CUL7: variants seen among roughly 807,000 people sequenced by gnomAD.
The protein encoded by CUL7 is cullin 7.
Under a neutral mutation model 177.7 loss-of-function variants are expected in CUL7, and 96 were observed. The observed-to-expected ratio is 0.54, with a 90% CI of 0.46 to 0.64. The LOEUF (loss-of-function observed/expected upper bound fraction) is 0.64, where lower values mean the gene tolerates loss of function less well. Among genes scored for constraint, CUL7 ranks in the 30% least tolerant of loss-of-function variants. CUL7 has a pLI of 0.00. For synonymous variants in CUL7, 824 were observed against 890.2 expected (o/e 0.93, Z 1.32); for missense variants, 1,893 against 2,187.9 (o/e 0.87, Z 2.69).
chr6:43,041,671 G>A (rs1175393378), intron 19 of CUL7, among the ~76,000 whole-genome samples: 1 of 150,768 alleles, frequency 6.6e-6, no homozygotes, highest in Non-Finnish European at 1.5e-5. Flanking sequence ...GGGAGGGAAG[G>A]GAAGGGAAAG....
Position 43,045,855 on chromosome 6 carries a change from G to C in CUL7, c.2766+131C>G. On this transcript the variant is annotated intron_variant, in intron 13 of 25. Transcript: ENST00000265348. This position sits in a 1 kb window ranked among gnomAD's most constrained non-coding sequence, Gnocchi z 4.8. Reference sequence around the variant, plus strand: ...CAGGGCCTGGTGGCACAAGCACAGGGATAAAGGACACTACTTTCTGTGGGG... The same window carrying C: ...CAGGGCCTGGTGGCACAAGCACAGGCATAAAGGACACTACTTTCTGTGGGG... 1 of 1,066,590 alleles carries C rather than the reference G, an allele frequency of 9.4e-7. No homozygotes were observed. 66.1% of individuals were successfully genotyped at this position (1,066,590 alleles called of 1,614,324 possible). A position where few individuals can be genotyped will look rare whatever the true frequency, so the allele number is the denominator to read the frequency against.
At chr6:43,042,003 C>CAAA (rs201127168) in intron 19 of CUL7, among the ~76,000 whole-genome samples, 3 of 53,498 alleles carry the variant, frequency 5.6e-5, no homozygotes, top group African/African-American at 1.1e-4. Context: ...GACTCCGTCT[C>CAAA]AAAAAAAAAA....
At position 43,038,687 on chromosome 6, in the gene CUL7, G is replaced by C; in HGVS notation, c.4446C>G (p.Val1482=). 1 of 1,614,092 alleles carries C rather than the reference G, an allele frequency of 6.2e-7. No homozygotes were observed. Among genetic ancestry groups the C allele is most frequent in the Non-Finnish European group, 8.5e-7 (1 of 1,179,988 alleles). ...AGAACGCCAGCAGACTCTCCACAGA[G>C]ACCGCCTTCAGAGAACAGATGGGAG... ...LLLYLNDLKA[V]SVESLLAFSG... Residue 1482 remains valine, a synonymous_variant, in exon 24 of 26, where the codon GTC becomes GTG. Coordinates refer to ENST00000265348, the MANE Select transcript of CUL7 (RefSeq NM_014780.5).
In CUL7 at chr6:43,038,901, G is replaced by T. The variant is rs765006933; in HGVS notation, c.4381C>A (p.Gln1461Lys). 9 of 1,614,100 alleles carry T rather than the reference G, an allele frequency of 5.6e-6. No individual in the cohort carries two copies. Among genetic ancestry groups the T allele is most frequent in the Non-Finnish European group, 7.6e-6 (9 of 1,180,036 alleles). Reference sequence around the variant, plus strand: ...TGCACGGTGGACACATGCAGGGTCTGGTTCCCAAACTGCAGCTCAGCCCAG... The same window carrying T: ...TGCACGGTGGACACATGCAGGGTCTTGTTCCCAAACTGCAGCTCAGCCCAG... ...LGWAELQFGNQTLHVSTVQMW... is the reference protein window; with the variant it reads ...LGWAELQFGNKTLHVSTVQMW... Residue 1461 changes from glutamine to lysine, a missense_variant, in exon 23 of 26, where the codon CAG becomes AAG. By Grantham distance (53) the Gln-to-Lys change is moderately conservative. This residue lies in a region of CUL7 where 973 missense variants were observed against 1,140.9 expected (regional missense o/e 0.85). Coordinates refer to ENST00000265348, the MANE Select transcript of CUL7 (RefSeq NM_014780.5).
chr6:43,049,635 G>A lies in CUL7; in HGVS notation c.1597C>T (p.Leu533=). The A allele has an allele frequency of 6.2e-7, 1 of 1,614,182 alleles. No individual in the cohort carries two copies. The highest frequency in any genetic ancestry group is 8.5e-7 in the Non-Finnish European group (1 of 1,180,016). ...TGGGCCAATTCTATGGGCACGGCCA[G>A]TTCAGCTAGGATCTCATCATCCAGA... The part of the protein sequence containing the change: ...EILDDEILAE[L]AVPIELAQDL... Residue 533 remains leucine (L), a synonymous_variant, in exon 7 of 26, where the codon CTG becomes TTG. Transcript: ENST00000265348.
rs1416734815 is a variant in CUL7, at chr6:43,038,976, G to C, written c.4306C>G (p.Pro1436Ala). Residue 1436 changes from proline (P) to alanine (A), a missense_variant, in exon 23 of 26, where the codon CCT becomes GCT. This residue lies in a region of CUL7 where 973 missense variants were observed against 1,140.9 expected (regional missense o/e 0.85). Coordinates refer to ENST00000265348, the MANE Select transcript of CUL7 (RefSeq NM_014780.5). ...CTCTGTGAGCCTCGCTCAAGGGCAG[G>C]GTGGCTCTGACCTGGACCAGGAAGG... is the stretch of plus-strand genomic sequence containing the variant. The part of the protein sequence containing the change: ...SNFYNKSQSH[P>A]ALERGSQRRL... The C allele has an allele frequency of 6.2e-7, 1 of 1,610,150 alleles. No homozygotes were observed.
Position 43,045,742 on chromosome 6 carries a change from C to T in CUL7, c.2767-60G>A. The T allele has an allele frequency of 2.6e-6, 4 of 1,547,704 alleles. No homozygotes were observed. Among genetic ancestry groups the T allele is most frequent in the Middle Eastern group, 1.7e-4 (1 of 5,940 alleles). Reference sequence around the variant, plus strand: ...CATGCAGAGCCAAGTTGGCTCTAGGCTCCAGTCCCCTCACTGTTTCCCTCC... The same window carrying T: ...CATGCAGAGCCAAGTTGGCTCTAGGTTCCAGTCCCCTCACTGTTTCCCTCC... On this transcript the variant is annotated intron_variant, in intron 13 of 25. Transcript: ENST00000265348. The surrounding 1 kb of genome is among the most constrained non-coding windows in gnomAD (Gnocchi z 4.8).
In CUL7 at chr6:43,041,649, A is replaced by C. The variant is rs184105363; in HGVS notation, c.3646-574T>G. 5.4e-3 allele frequency among the ~76,000 whole-genome samples: 793 copies of C among 147,268 alleles called. 8 individuals carry two copies. Among genetic ancestry groups the C allele is most frequent in the African/African-American group, 0.019 (758 of 40,070 alleles). The stretch of plus-strand genomic sequence containing the variant: ...AAAGGGAGAGAAAGAAAAAGAAAGG[A>C]GAGGAAAAGAGGGGAGGGAAGGGAA... On this transcript the variant is annotated intron_variant, in intron 19 of 25. Transcript: ENST00000265348.
chr6:43,039,677 C>T (rs1763242270), intron 22 of CUL7, among the ~76,000 whole-genome samples: 1 of 151,420 alleles, frequency 6.6e-6, no homozygotes, highest in Non-Finnish European at 1.5e-5. Flanking sequence ...TCCCTAAAGA[C>T]TATCTCTCCC....
Position 43,040,211 on chromosome 6 carries a change from G to C in CUL7, c.4239C>G (p.Cys1413Trp). 6.2e-7 allele frequency: 1 copy of C among 1,614,184 alleles called. No individual in the cohort carries two copies. The highest frequency in any genetic ancestry group is 8.5e-7 in the Non-Finnish European group (1 of 1,180,040). The change falls in exon 22 of 26, where the codon TGC (cysteine) becomes TGG (tryptophan). Residue 1413 changes from cysteine (C) to tryptophan (W), a missense_variant. Physicochemically the swap from Cys to Trp is radical, Grantham distance 215 (BLOSUM62 -2). Transcript: ENST00000265348. The surrounding 1 kb of genome is among the most constrained non-coding windows in gnomAD (Gnocchi z 4.2). ...AAGTGCCCCTCAGGTAGGAGGGCAGGCAGGTTCTGGGGTTCAGTGTGTGGC... is the reference window on the plus strand; with the variant it reads ...AAGTGCCCCTCAGGTAGGAGGGCAGCCAGGTTCTGGGGTTCAGTGTGTGGC... ...SICHTLNPRT[C>W]LPSYLRGTLN...
At position 43,046,701 on chromosome 6, in the gene CUL7, T is replaced by C. The variant is rs1250909336; in HGVS notation, c.2398-100A>G. On this transcript the variant is annotated intron_variant, in intron 10 of 25. Transcript: ENST00000265348. ...AGGAGAGACCATGCAGCAGTGGGAC[T>C]TCCTCTACAGCACCAGCAGAGCAGG... 2.6e-6 allele frequency: 4 copies of C among 1,539,032 alleles called. No homozygotes were observed. In the African/African-American group the frequency reaches 5.5e-5, roughly 21 times the overall value.
At position 43,043,613 on chromosome 6, in the gene CUL7, G is replaced by A. The variant is rs1463305391; in HGVS notation, c.3190C>T (p.Pro1064Ser). 1 of 1,608,878 alleles carries A rather than the reference G, an allele frequency of 6.2e-7. No homozygotes were observed. The highest frequency in any genetic ancestry group is 8.5e-7 in the Non-Finnish European group (1 of 1,177,194). Residue 1064 changes from proline to serine, a missense_variant, in exon 17 of 26, where the codon CCC becomes TCC. By Grantham distance (74) the Pro-to-Ser change is moderately conservative. Around this residue, in one of 5 missense-constraint regions of CUL7, gnomAD observed 973 missense variants for 1,140.9 expected, o/e 0.85. Transcript: ENST00000265348. This position sits in a 1 kb window ranked among gnomAD's most constrained non-coding sequence, Gnocchi z 4.2. ...ITSPDEDGIS[P>S]LGWLLDQYLE... ...TACTGGTCCAGCAGCCAACCCAGGG[G>A]GCTAATGCCATCCTCATCTAGAGGG...
chr6:43,049,537 G>A lies in CUL7; in HGVS notation c.1695C>T (p.Tyr565=), dbSNP rs371008553. The A allele has an allele frequency of 2.2e-5, 36 of 1,614,090 alleles. No individual in the cohort carries two copies. In the African/African-American group the frequency reaches 3.6e-4, roughly 16 times the overall value. ...CTAGGGCTTCAGGCCCATACTTCTT[G>A]TAGACATGGCAGTTGATCAGGTCCC... ...ALRDLINCHV[Y]KKYGPEALAG... is the part of the protein sequence containing the mutation. Residue 565 remains tyrosine (Y), a synonymous_variant, in exon 7 of 26, where the codon TAC becomes TAT. Transcript: ENST00000265348.
intron 19 of CUL7, among the ~76,000 whole-genome samples, chr6:43,042,329 G>T (rs116814932): frequency 0.013 from 1,902 of 151,460 alleles, 17 homozygotes; most frequent in African/African-American, 0.02. Flanking sequence ...ATTGTGGGGG[G>T]TTTTTTTGTT....
At position 43,051,126 on chromosome 6, in the gene CUL7, G is replaced by A. The variant is rs557304044; in HGVS notation, c.1075C>T (p.Pro359Ser). ...PSFRRSRRFR[P>S]RSEFASGNTY... ...TTGCCACTTGCGAACTCAGAACGAG[G>A]GCGAAAACGTCTTGACCTCCTGAAG... Residue 359 changes from proline (P) to serine (S), a missense_variant, in exon 4 of 26, where the codon CCT (proline) becomes TCT (serine). By Grantham distance (74) the Pro-to-Ser change is moderately conservative. Transcript: ENST00000265348. This position sits in a 1 kb window ranked among gnomAD's most constrained non-coding sequence, Gnocchi z 5.0. The A allele has an allele frequency of 1.9e-6, 3 of 1,614,186 alleles. No homozygotes were observed. Among genetic ancestry groups the A allele is most frequent in the South Asian group, 2.2e-5 (2 of 91,084 alleles).
At position 43,041,086 on chromosome 6, in the gene CUL7, G is replaced by A. The variant is rs377355115; in HGVS notation, c.3646-11C>T. 8.1e-5 allele frequency: 131 copies of A among 1,613,278 alleles called. No individual in the cohort carries two copies. The highest frequency in any genetic ancestry group is 1.9e-4 in the South Asian group (17 of 90,912). On this transcript the variant is annotated splice_polypyrimidine_tract_variant and intron_variant, in intron 19 of 25. Coordinates refer to ENST00000265348, the MANE Select transcript of CUL7 (RefSeq NM_014780.5). ...GAACTGCTCACTCACCTGAGCAATG[G>A]CAGAGCACAGGAAAGCCATGAATGA...
rs1764380113 is a variant in CUL7 at position 43,051,255 on chromosome 6, C to T, written c.946G>A (p.Ala316Thr). 3.1e-6 allele frequency: 5 copies of T among 1,613,218 alleles called. No homozygotes were observed. The highest frequency in any genetic ancestry group is 4.2e-6 in the Non-Finnish European group (5 of 1,179,476). The change falls in exon 4 of 26, where the codon GCC becomes ACC. Residue 316 changes from alanine (A) to threonine (T), a missense_variant. By Grantham distance (58) the Ala-to-Thr change is moderately conservative. Around this residue, in one of 5 missense-constraint regions of CUL7, gnomAD observed 653 missense variants for 725.2 expected, o/e 0.90. Transcript: ENST00000265348. The surrounding 1 kb of genome is among the most constrained non-coding windows in gnomAD (Gnocchi z 5.0). ...GCTGAGCTCCTTGGTCTGTCTGAGG[C>T]CTGGTCCCAGCGCATGGCTTGCACC... ...ELVQAMRWDQ[A>T]SDRPRSSARS...
rs1764496053 is a variant in CUL7 at position 43,052,432 on chromosome 6, C to T, written c.357G>A (p.Gln119=). ...ACTCCTCCAGCTGCCGAAGGGCTCT[C>T]TGAATGAGGGACTTCACGTCGGTTT... ...EMETDVKSLI[Q]RALRQLEECV... The change falls in exon 2 of 26, where the codon CAG becomes CAA. Residue 119 remains glutamine (Q), a synonymous_variant. Transcript: ENST00000265348. This position sits in a 1 kb window ranked among gnomAD's most constrained non-coding sequence, Gnocchi z 4.5. The T allele has an allele frequency of 6.2e-7, 1 of 1,613,964 alleles. No individual in the cohort carries two copies. Among genetic ancestry groups the T allele is most frequent in the African/African-American group, 1.3e-5 (1 of 74,940 alleles).
chr6:43,048,894 T>C (rs1254242805), intron 7 of CUL7, among the ~76,000 whole-genome samples: 1 of 151,918 alleles, frequency 6.6e-6, no homozygotes, highest in East Asian at 1.9e-4. Flanking sequence ...CAGCCTCCAG[T>C]AGCTGGGACT....
Sources: gnomAD v4.1 joint callset for allele counts (sites outside exome capture counted in the v4.1 genomes callset) on GRCh38, gnomAD v4.1.1 for gene constraint, gnomAD v4.1.1 regional missense constraint, Gnocchi (gnomAD v3.1) non-coding constraint, MANE v1.5 for transcripts, NCBI Gene and HGNC (gene_info 2026-07-23, HGNC 2026-07-21) for gene names.